Variants in GAB2 observed in about 807,000 individuals in gnomAD.
GAB2 encodes the protein GRB2 associated binding protein 2.
GAB2 carries 26 observed loss-of-function variants against 65.5 expected under a neutral mutation model. That is an observed-to-expected ratio of 0.40 (90% CI 0.29 to 0.55). The LOEUF is 0.55. GAB2 is among the 20% of genes least tolerant of loss of function. GAB2 has a pLI of 0.53. For synonymous variants in GAB2, 321 were observed against 329.6 expected, an observed-to-expected ratio of 0.97 and a Z score of 0.28; for missense variants, 884 against 875.8, an observed-to-expected ratio of 1.01 and a Z score of -0.12.
chr11:78,280,806 A>G lies in GAB2; in HGVS notation c.171T>C (p.Pro57=), dbSNP rs762815586. The change falls in exon 2 of 10, where the codon CCT becomes CCC. Residue 57 remains proline (P), a synonymous_variant. Coordinates refer to ENST00000361507, the MANE Select transcript of GAB2 (RefSeq NM_080491.3). ...AGAAGTTCAGGTTGATGATCCGCAG[A>G]GGCTTCTTGGAGTGATCGTTCTTGT... ...EYYKNDHSKK[P]LRIINLNFCE... 11 of 1,614,126 alleles carry G rather than the reference A, an allele frequency of 6.8e-6. No homozygotes were observed. The highest frequency in any genetic ancestry group is 9.3e-6 in the Non-Finnish European group (11 of 1,179,960).
chr11:78,297,360 GA>G (rs1349895903), intron 1 of GAB2, among the ~76,000 whole-genome samples: 8 of 152,072 alleles, frequency 5.3e-5, no homozygotes, highest in African/African-American at 1.9e-4. Context: ...TGTTAATGAA[GA>G]AAAAACTACA....
intron 5 of GAB2, 47 bp from the exon 6 acceptor site, chr11:78,223,723 G>C (rs746808492): frequency 2.0e-6 from 3 of 1,480,800 alleles, no homozygotes; most frequent in Non-Finnish European, 1.8e-6. Flanking sequence ...CTAGCAAGAA[G>C]AAACAGGAAG....
At chr11:78,323,908 C>A (rs1329826669) in intron 1 of GAB2, among the ~76,000 whole-genome samples, 1 of 147,586 alleles carries the variant, frequency 6.8e-6, no homozygotes, top group African/African-American at 2.5e-5. Context: ...AGCAATTTTC[C>A]TCCCTCAGCC....
At chr11:78,231,505 G>A (rs1480953508) in intron 3 of GAB2, among the ~76,000 whole-genome samples, 1 of 152,074 alleles carries the variant, frequency 6.6e-6, no homozygotes, top group East Asian at 1.9e-4. Flanking sequence ...GCGTACCACT[G>A]CACCTGGCTA....
chr11:78,310,526 A>AG lies in GAB2; in HGVS notation c.76-29626_76-29625insC, dbSNP rs548164037. ...AAGACTCTGTCTCAAAAAAAAAAAA[A>AG]AAAAGAAAAAAAAATCAAAATGAAA... is the stretch of plus-strand genomic sequence containing the variant. On this transcript the variant is annotated intron_variant, in intron 1 of 9. Transcript: ENST00000361507. 1.7e-4 allele frequency among the ~76,000 whole-genome samples: 26 copies of AG among 150,778 alleles called. 1 individual carries two copies. In the South Asian group the frequency reaches 5.4e-3, roughly 31 times the overall value.
At chr11:78,359,753 G>A (rs1293161540) in intron 1 of GAB2, among the ~76,000 whole-genome samples, 2 of 152,186 alleles carry the variant, frequency 1.3e-5, no homozygotes, top group Non-Finnish European at 2.9e-5. Flanking sequence ...AAGTTAGGAG[G>A]AGTGATTCAA....
chr11:78,338,815 G>T (rs1330058294), intron 1 of GAB2, among the ~76,000 whole-genome samples: 1 of 152,078 alleles, frequency 6.6e-6, no homozygotes, highest in South Asian at 2.1e-4. Flanking sequence ...TTAATAATAT[G>T]CTCCAAAAAC....
intron 1 of GAB2, among the ~76,000 whole-genome samples, chr11:78,397,886 T>C (rs1301507130): frequency 6.6e-6 from 1 of 152,212 alleles, no homozygotes; most frequent in African/African-American, 2.4e-5. Context: ...TTATAGTCTC[T>C]GTTGGTATCC....
intron 3 of GAB2, among the ~76,000 whole-genome samples, chr11:78,230,257 C>T (rs779533812): frequency 2.2e-4 from 34 of 152,244 alleles, no homozygotes; most frequent in Non-Finnish European, 4.4e-4. Flanking sequence ...CACTAGCTTA[C>T]GTTCCAACTT....
intron 1 of GAB2, among the ~76,000 whole-genome samples, chr11:78,376,126 C>CT (rs1856628775): frequency 6.6e-6 from 1 of 152,204 alleles, no homozygotes; most frequent in East Asian, 1.9e-4. Flanking sequence ...GGCAGGGAGA[C>CT]TGTTTCTTCC....
intron 1 of GAB2, among the ~76,000 whole-genome samples, chr11:78,389,103 A>C (rs1003602356): frequency 1.1e-4 from 16 of 152,214 alleles, no homozygotes; most frequent in African/African-American, 3.6e-4. Context: ...GGTCCTCCTA[A>C]GCTGGCAGAG....
intron 1 of GAB2, among the ~76,000 whole-genome samples, chr11:78,288,382 GAA>G (rs369041941): frequency 5.0e-5 from 6 of 119,532 alleles, no homozygotes; most frequent in East Asian, 2.6e-4. Flanking sequence ...CCATCTCAAA[GAA>G]AAAAAAAAAA....
chr11:78,412,137 T>C lies in GAB2; in HGVS notation c.75+5509A>G, dbSNP rs533169504. Among the ~76,000 whole-genome samples, 12 of 124,742 alleles carry C rather than the reference T, an allele frequency of 9.6e-5. No homozygotes were observed. The South Asian group carries it at 2.9e-3, about 30-fold the overall frequency. 81.8% of individuals were successfully genotyped at this position (124,742 alleles called of 152,430 possible). On this transcript the variant is annotated intron_variant, in intron 1 of 9. Coordinates refer to ENST00000361507, the MANE Select transcript of GAB2 (RefSeq NM_080491.3). ...TGGGTAACAAGAGCAAAACTCCATC[T>C]CAAAAAAAAAAAACCTATATATAAA...
At chr11:78,284,194 G>C (rs886625105) in intron 1 of GAB2, among the ~76,000 whole-genome samples, 3 of 152,076 alleles carry the variant, frequency 2.0e-5, no homozygotes, top group African/African-American at 7.2e-5. Flanking sequence ...AGCAAATCCT[G>C]TCAGTTCAGA....
intron 1 of GAB2, among the ~76,000 whole-genome samples, chr11:78,301,201 C>G (rs1397128187): frequency 6.6e-6 from 1 of 152,174 alleles, no homozygotes; most frequent in Non-Finnish European, 1.5e-5. Context: ...TATACACACA[C>G]ATAATGGGAG....
intron 1 of GAB2, among the ~76,000 whole-genome samples, chr11:78,329,912 A>G (rs745744700): frequency 1.3e-5 from 2 of 152,248 alleles, no homozygotes; most frequent in Non-Finnish European, 2.9e-5. Context: ...ATTTGTTTGC[A>G]GGCAGTCTGC....
intron 1 of GAB2, among the ~76,000 whole-genome samples, chr11:78,399,883 G>A (rs1273143092): frequency 1.3e-5 from 2 of 152,168 alleles, no homozygotes; most frequent in Non-Finnish European, 2.9e-5. Context: ...AGACAAAGAA[G>A]TGGCCTCAGT....
At position 78,218,981 on chromosome 11, in the gene GAB2, G is replaced by A; in HGVS notation, c.*291C>T. Reference sequence around the variant, plus strand: ...GTAGAGAGTCAGGTCTAAAGGACAGGAAGAGGCTGAAGGATGCTTTTTGGA... The same window carrying A: ...GTAGAGAGTCAGGTCTAAAGGACAGAAAGAGGCTGAAGGATGCTTTTTGGA... On this transcript the variant is annotated 3_prime_UTR_variant, in exon 10 of 10. Coordinates refer to ENST00000361507, the MANE Select transcript of GAB2 (RefSeq NM_080491.3). The A allele has an allele frequency of 2.7e-6, 1 of 372,624 alleles. No individual in the cohort carries two copies. 23.1% of individuals were successfully genotyped at this position (372,624 alleles called of 1,614,324 possible).
chr11:78,313,072 A>C (rs964420105), intron 1 of GAB2, among the ~76,000 whole-genome samples: 7 of 152,252 alleles, frequency 4.6e-5, no homozygotes, highest in Admixed American at 3.9e-4. Flanking sequence ...TGATCACCAC[A>C]TCTCAGGCAA....
Sources: gnomAD v4.1 joint callset for allele counts (sites outside exome capture counted in the v4.1 genomes callset) on GRCh38, gnomAD v4.1.1 for gene constraint, MANE v1.5 for transcripts, NCBI Gene and HGNC (gene_info 2026-07-23, HGNC 2026-07-21) for gene names.